The following ITPR1 variants were observed in gnomAD, a reference collection of about 807,000 sequenced individuals.
The protein encoded by ITPR1 is inositol 1,4,5-trisphosphate receptor type 1, also known as inositol 1,4,5-trisphosphate-gated calcium channel ITPR1.
ITPR1 carries 96 observed loss-of-function variants against 318.4 expected under a neutral mutation model. That is an observed-to-expected ratio of 0.30 (90% CI 0.26 to 0.36). The LOEUF is 0.36. Ranked by LOEUF, ITPR1 falls within the 10% of genes least tolerant of loss-of-function variation. The pLI is 1.00. For missense variants in ITPR1, 2,440 were observed against 3,460.2 expected (o/e 0.71, Z 7.40); for synonymous variants, 1,312 against 1,289.9 (o/e 1.02, Z -0.37).
chr3:4,499,755 G>A (rs1166954017), intron 2 of ITPR1, among the ~76,000 whole-genome samples: 1 of 152,120 alleles, frequency 6.6e-6, no homozygotes, highest in Non-Finnish European at 1.5e-5. Context: ...ATCCCCTTGG[G>A]GTACCATAAT....
chr3:4,845,510 G>A lies in ITPR1; in HGVS notation c.8191-629G>A, dbSNP rs186579811. On this transcript the variant is annotated intron_variant, in intron 61 of 61. Coordinates refer to ENST00000649015, the MANE Select transcript of ITPR1 (RefSeq NM_001378452.1). Reference sequence around the variant, plus strand: ...TGAACTAGTCTTAGGCAATGGTCTCGCCTGACCTTCAGCGAGCCTCAGTGT... The same window carrying A: ...TGAACTAGTCTTAGGCAATGGTCTCACCTGACCTTCAGCGAGCCTCAGTGT... 1.6e-3 allele frequency among the ~76,000 whole-genome samples: 247 copies of A among 152,274 alleles called. 3 individuals are homozygous for A. The highest frequency in any genetic ancestry group is 2.4e-4 in the Non-Finnish European group (16 of 68,012).
intron 2 of ITPR1, among the ~76,000 whole-genome samples, chr3:4,513,634 C>G (rs987061991): frequency 8.0e-4 from 121 of 152,048 alleles, no homozygotes; most frequent in African/African-American, 2.8e-3. Context: ...TTTTTTCTGA[C>G]TTATGGAAGT....
intron 32 of ITPR1, among the ~76,000 whole-genome samples, chr3:4,692,282 C>CA (rs34151611): frequency 0.42 from 63,892 of 151,850 alleles, 15,099 homozygotes; most frequent in Non-Finnish European, 0.56. Context: ...CATGAAGATA[C>CA]GCAGATTTCA....
intron 61 of ITPR1, among the ~76,000 whole-genome samples, chr3:4,845,875 T>C (rs543139347): frequency 6.6e-6 from 1 of 152,368 alleles, no homozygotes; most frequent in African/African-American, 2.4e-5. Context: ...TCCTGTGCTT[T>C]TATTGTTTTT....
At chr3:4,610,615 C>A (rs1267817801) in intron 4 of ITPR1, among the ~76,000 whole-genome samples, 1 of 151,976 alleles carries the variant, frequency 6.6e-6, no homozygotes, top group Non-Finnish European at 1.5e-5. Context: ...ATTTCATTTG[C>A]CTTTAATGAG....
At chr3:4,548,736 C>A (rs537239205) in intron 4 of ITPR1, among the ~76,000 whole-genome samples, 134 of 152,198 alleles carry the variant, frequency 8.8e-4, no homozygotes, top group African/African-American at 3.1e-3. Context: ...ATTGAAAAGC[C>A]ACTAGCCCTC....
intron 16 of ITPR1, among the ~76,000 whole-genome samples, chr3:4,664,795 G>A (rs2093911455): frequency 6.6e-6 from 1 of 152,216 alleles, no homozygotes; most frequent in South Asian, 2.1e-4. Context: ...TGCTGGTAAG[G>A]AAATGCGGGT....
intron 16 of ITPR1, among the ~76,000 whole-genome samples, chr3:4,663,589 C>G (rs114548823): frequency 6.6e-6 from 1 of 152,180 alleles, no homozygotes; most frequent in Non-Finnish European, 1.5e-5. Flanking sequence ...TGGCCTCCCC[C>G]ACTACCGACA....
chr3:4,702,688 C>A, intron 35 of ITPR1, 142 bp from the exon 36 acceptor site: 2 of 876,120 alleles, frequency 2.3e-6, no homozygotes, highest in East Asian at 2.7e-5. Context: ...CTCACCCTTG[C>A]CTCAGGGTCC....
chr3:4,648,386 G>T (rs1039866624), intron 10 of ITPR1, among the ~76,000 whole-genome samples: 18 of 152,006 alleles, frequency 1.2e-4, no homozygotes, highest in African/African-American at 4.3e-4. Flanking sequence ...AATATCAGTT[G>T]TCAGATTCTT....
rs562797824 is a variant in ITPR1, at chr3:4,729,433, C to T, written c.5220+2260C>T. 3.9e-4 allele frequency among the ~76,000 whole-genome samples: 59 copies of T among 152,276 alleles called. No individual in the cohort carries two copies. The South Asian group carries it at 0.012, about 30-fold the overall frequency. On this transcript the variant is annotated intron_variant, in intron 42 of 61. Coordinates refer to ENST00000649015, the MANE Select transcript of ITPR1 (RefSeq NM_001378452.1). Reference sequence around the variant, plus strand: ...AAGGTATTTTAAAATCCAGGCGCTACCCTCATGCCGACTAAGGTGTGAGAG... The same window carrying T: ...AAGGTATTTTAAAATCCAGGCGCTATCCTCATGCCGACTAAGGTGTGAGAG...
At chr3:4,793,916 A>G (rs2047730066) in intron 52 of ITPR1, among the ~76,000 whole-genome samples, 1 of 152,218 alleles carries the variant, frequency 6.6e-6, no homozygotes, top group South Asian at 2.1e-4. Flanking sequence ...TTGTACCATA[A>G]TTTTATTTTG....
chr3:4,510,740 A>G (rs1179904126), intron 2 of ITPR1, among the ~76,000 whole-genome samples: 3 of 152,202 alleles, frequency 2.0e-5, no homozygotes, highest in East Asian at 1.9e-4. Context: ...AAGGCTGGGA[A>G]GTAGAGATCC....
rs5846330 is a variant in ITPR1, at chr3:4,645,786, GCTCT to G, written c.855+69_855+72del. On this transcript the variant is annotated intron_variant, in intron 10 of 61. Coordinates refer to ENST00000649015, the MANE Select transcript of ITPR1 (RefSeq NM_001378452.1). Reference sequence around the variant, plus strand: ...TTAGAGGATATCAGCCTGTATATAGGCTCTCTCTCTCTCTATCCTACAAATATTC... The same window carrying G: ...TTAGAGGATATCAGCCTGTATATAGGCTCTCTCTCTATCCTACAAATATTC... 58 of 965,064 alleles carry G rather than the reference GCTCT, an allele frequency of 6.0e-5. No individual in the cohort carries two copies. The African/African-American group carries it at 8.3e-4, about 14-fold the overall frequency. 59.8% of individuals were successfully genotyped at this position (965,064 alleles called of 1,614,324 possible).
intron 32 of ITPR1, 81 bp downstream of exon 32, chr3:4,691,425 T>C (rs2094476841): frequency 1.1e-6 from 1 of 931,342 alleles, no homozygotes; most frequent in East Asian, 2.6e-5. Flanking sequence ...CTGTATGAAC[T>C]TGCACCCTCT....
At chr3:4,844,496 C>G (rs372699634) in intron 61 of ITPR1, among the ~76,000 whole-genome samples, 3 of 152,138 alleles carry the variant, frequency 2.0e-5, no homozygotes, top group South Asian at 4.2e-4. Flanking sequence ...GTATTGGATT[C>G]CCTCTCAAGG....
intron 26 of ITPR1, among the ~76,000 whole-genome samples, chr3:4,682,841 T>C (rs1469708438): frequency 1.3e-5 from 2 of 152,046 alleles, no homozygotes; most frequent in Non-Finnish European, 2.9e-5. Context: ...AATAATTGAC[T>C]AGCAGTGCTC....
At chr3:4,545,262 AG>A (rs1184172228) in intron 4 of ITPR1, among the ~76,000 whole-genome samples, 1 of 152,230 alleles carries the variant, frequency 6.6e-6, no homozygotes, top group Admixed American at 6.5e-5. Flanking sequence ...AGTTTTTCCC[AG>A]AAAGCAGTGT....
intron 44 of ITPR1, among the ~76,000 whole-genome samples, chr3:4,741,811 G>A (rs1391060313): frequency 6.6e-6 from 1 of 152,202 alleles, no homozygotes; most frequent in African/African-American, 2.4e-5. Flanking sequence ...ATTGGTGTGT[G>A]AGCAAGTTAC....
Sources: gnomAD v4.1 joint callset for allele counts (sites outside exome capture counted in the v4.1 genomes callset) on GRCh38, gnomAD v4.1.1 for gene constraint, MANE v1.5 for transcripts, NCBI Gene and HGNC (gene_info 2026-07-23, HGNC 2026-07-21) for gene names.